Variants in SRFBP1 observed in about 807,000 individuals in gnomAD.
SRFBP1 encodes the protein serum response factor-binding protein 1.
Under a neutral mutation model 45.5 loss-of-function variants are expected in SRFBP1, and 47 were observed. That is an observed-to-expected ratio of 1.03 (90% CI 0.82 to 1.32). The LOEUF is 1.32. Among genes scored for constraint, SRFBP1 ranks in the 40% most tolerant of loss-of-function variants. The pLI, the probability that SRFBP1 is intolerant of heterozygous loss-of-function variation, is 0.00. For synonymous variants in SRFBP1, 203 were observed against 166.3 expected (o/e 1.22, Z -1.70); for missense variants, 621 against 484.6 (o/e 1.28, Z -2.64).
At chr5:122,074,793 A>C (rs943948770) in intron 2 of SRFBP1, among the ~76,000 whole-genome samples, 1 of 152,226 alleles carries the variant, frequency 6.6e-6, no homozygotes, top group African/African-American at 2.4e-5. Context: ...TAAGGAAAAA[A>C]CAATGAGGAC....
chr5:122,007,060 C>G (rs1023101060), intron 4 of SRFBP1, among the ~76,000 whole-genome samples: 12 of 152,018 alleles, frequency 7.9e-5, no homozygotes, highest in Non-Finnish European at 1.8e-4. Context: ...TCTGGGAGAA[C>G]CGTTCTCCAG....
downstream of SRFBP1, among the ~76,000 whole-genome samples, chr5:122,076,436 T>A (rs3805444): frequency 4.9e-3 from 747 of 152,310 alleles, 18 homozygotes; most frequent in East Asian, 0.047. Flanking sequence ...AACAACCAAG[T>A]TCATCGTGGT....
downstream of SRFBP1, among the ~76,000 whole-genome samples, chr5:122,033,268 G>A (rs1753620170): frequency 6.6e-6 from 1 of 150,594 alleles, no homozygotes. Context: ...TTTTCCGTTT[G>A]TCAATTGTCT....
chr5:122,011,345 G>A (rs968921923), intron 4 of SRFBP1, among the ~76,000 whole-genome samples: 95 of 152,030 alleles, frequency 6.2e-4, no homozygotes, highest in African/African-American at 2.2e-3. Flanking sequence ...GAAACTGGAG[G>A]TACATGAAAA....
chr5:122,057,227 G>A (rs1426568386), intron 2 of SRFBP1, among the ~76,000 whole-genome samples: 3 of 152,082 alleles, frequency 2.0e-5, no homozygotes, highest in Non-Finnish European at 4.4e-5. Context: ...AAATACACAT[G>A]CACATGACAA....
chr5:121,975,655 C>T (rs1752288330), intron 3 of SRFBP1, among the ~76,000 whole-genome samples: 1 of 151,928 alleles, frequency 6.6e-6, no homozygotes, highest in Admixed American at 6.6e-5. Context: ...TTAATAATGC[C>T]TCCTGCCTCA....
intron 4 of SRFBP1, among the ~76,000 whole-genome samples, chr5:122,015,931 A>G (rs840468): frequency 0.078 from 11,871 of 152,096 alleles, 627 homozygotes; most frequent in Middle Eastern, 0.15. Flanking sequence ...TCCTCCTCAT[A>G]TACTTATCTC....
chr5:122,020,232 G>A lies in SRFBP1; in HGVS notation c.497G>A (p.Ser166Asn). The change falls in exon 6 of 8, where the codon AGT becomes AAT. Residue 166 changes from serine (S) to asparagine (N), a missense_variant. Physicochemically the swap from Ser to Asn is conservative, Grantham distance 46. Transcript: ENST00000339397. ...TTACAGCGTGAAGCAACTGTCATCAGTGAGCAAAAAGTCAAAGAAACCAAA... is the reference window on the plus strand; with the variant it reads ...TTACAGCGTGAAGCAACTGTCATCAATGAGCAAAAAGTCAAAGAAACCAAA... ...SNLQREATVI[S>N]EQKVKETKIL... The A allele has an allele frequency of 6.2e-7, 1 of 1,613,136 alleles. No homozygotes were observed. Among genetic ancestry groups the A allele is most frequent in the South Asian group, 1.1e-5 (1 of 90,706 alleles).
chr5:122,015,067 C>G, intron 4 of SRFBP1, among the ~76,000 whole-genome samples: 1 of 152,100 alleles, frequency 6.6e-6, no homozygotes, highest in Non-Finnish European at 1.5e-5. Context: ...GGTAAACATG[C>G]TGAAAGAAGC....
intron 2 of SRFBP1, among the ~76,000 whole-genome samples, chr5:122,035,064 T>G (rs973387216): frequency 1.4e-4 from 22 of 152,226 alleles, no homozygotes; most frequent in East Asian, 7.7e-4. Flanking sequence ...TGTTGTTGTT[T>G]TTTCTATTAC....
intron 4 of SRFBP1, among the ~76,000 whole-genome samples, chr5:122,018,059 A>G (rs1359917763): frequency 2.6e-5 from 4 of 152,210 alleles, no homozygotes; most frequent in African/African-American, 9.7e-5. Flanking sequence ...GCTAGTTGAG[A>G]TGACATTTAA....
At chr5:122,047,522 C>G (rs1753886148) in intron 2 of SRFBP1, among the ~76,000 whole-genome samples, 1 of 152,146 alleles carries the variant, frequency 6.6e-6, no homozygotes, top group Non-Finnish European at 1.5e-5. Flanking sequence ...ATTGTCTTGG[C>G]AATGCGGGCT....
Position 121,962,007 on chromosome 5 carries a change from C to G in SRFBP1, c.-26C>G, listed in dbSNP as rs201840868. 2 of 1,613,172 alleles carry G rather than the reference C, an allele frequency of 1.2e-6. No individual in the cohort carries two copies. Among genetic ancestry groups the G allele is most frequent in the African/African-American group, 1.3e-5 (1 of 74,682 alleles). ...GAGAGACCGGTTCACGTGCAGGCAG[C>G]GGCGGATCATATTCCTTCATCTACC... On this transcript the variant is annotated 5_prime_UTR_variant, in exon 1 of 8. Transcript: ENST00000339397.
chr5:122,026,770 A>T (rs1753489846), intron 7 of SRFBP1, among the ~76,000 whole-genome samples, 172 bp from the exon 8 acceptor site: 1 of 152,178 alleles, frequency 6.6e-6, no homozygotes, highest in Non-Finnish European at 1.5e-5. Flanking sequence ...ACTTGTATAT[A>T]AATTTTCAAC....
Position 122,049,273 on chromosome 5 carries a change from CAAAG to C in SRFBP1, n.312-26039_312-26036del, listed in dbSNP as rs988738895. ...TTAAACCAACAAAGATCAAAAGAGA[CAAAG>C]AAGGCCATTACATAATGGTAAAGGG... On this transcript the variant is annotated intron_variant and non_coding_transcript_variant, in intron 2 of 2. Coordinates refer to the SRFBP1 transcript ENST00000504881. Among the ~76,000 whole-genome samples the C allele has an allele frequency of 1.7e-3, 252 of 151,998 alleles. 2 individuals are homozygous for C. Among genetic ancestry groups the C allele is most frequent in the African/African-American group, 5.8e-3 (241 of 41,462 alleles).
intron 2 of SRFBP1, among the ~76,000 whole-genome samples, chr5:122,043,408 G>A (rs530225710): frequency 6.6e-6 from 1 of 152,016 alleles, no homozygotes; most frequent in African/African-American, 2.4e-5. Context: ...CAGAGACGAG[G>A]TTTCACTCTG....
chr5:122,049,185 A>G (rs1226999671), intron 2 of SRFBP1, among the ~76,000 whole-genome samples: 4 of 152,270 alleles, frequency 2.6e-5, no homozygotes, highest in Middle Eastern at 3.4e-3. Context: ...AGGAAGATCT[A>G]CCAAGCAAAT....
intron 3 of SRFBP1, among the ~76,000 whole-genome samples, chr5:121,981,765 T>A (rs1188309293): frequency 6.6e-6 from 1 of 151,986 alleles, no homozygotes; most frequent in African/African-American, 2.4e-5. Flanking sequence ...ACTTACCTAC[T>A]TTATGCAGGC....
At position 121,970,412 on chromosome 5, in the gene SRFBP1, A is replaced by G. The variant is rs77784527; in HGVS notation, c.37-3784A>G. Among the ~76,000 whole-genome samples the G allele has an allele frequency of 3.2e-3, 485 of 152,270 alleles. 1 individual carries two copies. Among genetic ancestry groups the G allele is most frequent in the African/African-American group, 0.011 (452 of 41,576 alleles). On this transcript the variant is annotated intron_variant, in intron 1 of 7. Coordinates refer to ENST00000339397, the MANE Select transcript of SRFBP1 (RefSeq NM_152546.3). ...TCTCATGCACCTGCAAAGTTCAGCA[A>G]TTAGAAACATTTGTTAATATATTTT...
Sources: gnomAD v4.1 joint callset for allele counts (sites outside exome capture counted in the v4.1 genomes callset) on GRCh38, gnomAD v4.1.1 for gene constraint, MANE v1.5 for transcripts, NCBI Gene and HGNC (gene_info 2026-07-23, HGNC 2026-07-21) for gene names.